The following TNS3 variants were observed in gnomAD, a reference collection of about 807,000 sequenced individuals.
TNS3 encodes tensin 3, also known as tensin-3.
TNS3 carries 45 observed loss-of-function variants against 140.9 expected under a neutral mutation model. That is an observed-to-expected ratio of 0.32 (90% CI 0.25 to 0.41). The LOEUF (loss-of-function observed/expected upper bound fraction) is 0.41. TNS3 is among the 10% of genes least tolerant of loss of function. TNS3 has a pLI of 1.00. For missense variants in TNS3, 1,716 were observed against 1,906.7 expected, an observed-to-expected ratio of 0.90 and a Z score of 1.86; for synonymous variants, 815 against 788.4, an observed-to-expected ratio of 1.03 and a Z score of -0.56.
intron 1 of TNS3, among the ~76,000 whole-genome samples, chr7:47,553,613 A>G (rs1800116959): frequency 6.6e-6 from 1 of 152,224 alleles, no homozygotes; most frequent in Non-Finnish European, 1.5e-5. Flanking sequence ...CTGTGGAGAC[A>G]CTACTGCTCA....
chr7:47,514,471 TTGGGTTAACTGCG>T (rs1484031016), intron 2 of TNS3, among the ~76,000 whole-genome samples: 1 of 152,226 alleles, frequency 6.6e-6, no homozygotes, highest in Admixed American at 6.5e-5. Context: ...CTTAATAATG[TTGGGTTAACTGCG>T]TGGAACAACC....
intron 17 of TNS3, among the ~76,000 whole-genome samples, chr7:47,362,589 G>A (rs1790396242): frequency 6.6e-6 from 1 of 152,196 alleles, no homozygotes; most frequent in African/African-American, 2.4e-5. Flanking sequence ...TTAGGACATA[G>A]CCATGGGGTG....
chr7:47,351,254 C>G (rs994540849), intron 17 of TNS3, among the ~76,000 whole-genome samples: 3 of 152,200 alleles, frequency 2.0e-5, no homozygotes, highest in Non-Finnish European at 4.4e-5. Flanking sequence ...TTTTCCTTCT[C>G]TCTGATAAAT....
chr7:47,582,030 C>A (rs1010294697), intron 1 of TNS3, 21 bp downstream of exon 1: 1 of 152,074 alleles, frequency 6.6e-6, no homozygotes, highest in Middle Eastern at 3.1e-3. Flanking sequence ...GCCGCGTTTC[C>A]TCCTTCCCCG....
intron 1 of TNS3, among the ~76,000 whole-genome samples, chr7:47,578,271 C>A (rs1452053757): frequency 6.6e-6 from 1 of 152,076 alleles, no homozygotes; most frequent in African/African-American, 2.4e-5. Flanking sequence ...GATGGCCCGA[C>A]TGGACTCCAG....
chr7:47,449,306 G>A (rs1342225491), intron 4 of TNS3, among the ~76,000 whole-genome samples: 2 of 152,184 alleles, frequency 1.3e-5, no homozygotes, highest in African/African-American at 4.8e-5. Context: ...CATTGCCATG[G>A]GGTGAAAGGC....
At chr7:47,505,002 C>T (rs985180006) in intron 3 of TNS3, among the ~76,000 whole-genome samples, 1 of 152,158 alleles carries the variant, frequency 6.6e-6, no homozygotes, top group Admixed American at 6.5e-5. Context: ...GAATTCAATC[C>T]CTTAAGCAGC....
At chr7:47,428,282 C>A in intron 9 of TNS3, 30 bp downstream of exon 9, 1 of 1,396,384 alleles carries the variant, frequency 7.2e-7, no homozygotes, top group Non-Finnish European at 9.4e-7. Flanking sequence ...TTTAGCACCT[C>A]AAGACAGCGA....
chr7:47,357,547 G>A (rs975718177), intron 17 of TNS3, among the ~76,000 whole-genome samples: 7 of 152,166 alleles, frequency 4.6e-5, no homozygotes, highest in Admixed American at 3.3e-4. Context: ...TCCACGTGGA[G>A]GGCATAGCCT....
At chr7:47,286,313 G>A (rs533750476) in intron 27 of TNS3, among the ~76,000 whole-genome samples, 2 of 152,278 alleles carry the variant, frequency 1.3e-5, no homozygotes, top group South Asian at 4.1e-4. Flanking sequence ...CTCCCCAAAT[G>A]CAGGAACTAT....
At chr7:47,397,721 C>A (rs1341316294) in intron 15 of TNS3, among the ~76,000 whole-genome samples, 2 of 152,164 alleles carry the variant, frequency 1.3e-5, no homozygotes, top group Non-Finnish European at 1.5e-5. Flanking sequence ...TAAATGCCTA[C>A]ATCAAAAAGT....
intron 27 of TNS3, among the ~76,000 whole-genome samples, chr7:47,290,829 T>G (rs371154132): frequency 3.9e-4 from 59 of 152,306 alleles, no homozygotes; most frequent in African/African-American, 1.3e-3. Context: ...ATGCGCTCCT[T>G]GGTATCTACG....
chr7:47,344,858 A>G lies in TNS3; in HGVS notation c.2567-20T>C, dbSNP rs768833180. On this transcript the variant is annotated intron_variant, in intron 19 of 30. Transcript: ENST00000311160. The stretch of plus-strand genomic sequence containing the variant: ...TTTTCACTGGAAAAGAAAGCAGAGC[A>G]AGGGGCTGTTGTCACCCTCCTTGGG... 7.4e-5 allele frequency: 120 copies of G among 1,613,760 alleles called. No individual in the cohort carries two copies. Among genetic ancestry groups the G allele is most frequent in the Non-Finnish European group, 9.9e-5 (117 of 1,179,830 alleles).
chr7:47,438,479 G>A (rs1795301210), intron 6 of TNS3, among the ~76,000 whole-genome samples: 2 of 152,220 alleles, frequency 1.3e-5, no homozygotes. Flanking sequence ...TGATGAAGGA[G>A]GAAGCCCTGA....
At chr7:47,494,870 T>C (rs776806147) in intron 3 of TNS3, among the ~76,000 whole-genome samples, 8 of 152,078 alleles carry the variant, frequency 5.3e-5, no homozygotes, top group Non-Finnish European at 1.2e-4. Context: ...AAACCCATGG[T>C]GAAACAAGTT....
At chr7:47,475,542 G>A (rs1017311239) in intron 4 of TNS3, among the ~76,000 whole-genome samples, 3 of 152,330 alleles carry the variant, frequency 2.0e-5, no homozygotes, top group African/African-American at 7.2e-5. Flanking sequence ...CCGGGGGGGG[G>A]GCCAGGCCCT....
intron 2 of TNS3, among the ~76,000 whole-genome samples, chr7:47,517,238 G>A (rs183809124): frequency 6.6e-6 from 1 of 152,246 alleles, no homozygotes; most frequent in Non-Finnish European, 1.5e-5. Context: ...TAGAAACCCT[G>A]CTGTGCTGTT....
intron 4 of TNS3, among the ~76,000 whole-genome samples, chr7:47,442,980 C>G (rs1466949750): frequency 6.6e-6 from 1 of 152,172 alleles, no homozygotes; most frequent in Non-Finnish European, 1.5e-5. Context: ...TTTCGGAGAC[C>G]AACAATACAG....
intron 2 of TNS3, among the ~76,000 whole-genome samples, chr7:47,509,378 A>T (rs1017940365): frequency 2.6e-5 from 4 of 152,324 alleles, no homozygotes; most frequent in African/African-American, 9.6e-5. Context: ...AGCAGCATGG[A>T]TAATCCTCAG....
Sources: gnomAD v4.1 joint callset for allele counts (sites outside exome capture counted in the v4.1 genomes callset) on GRCh38, gnomAD v4.1.1 for gene constraint, MANE v1.5 for transcripts, NCBI Gene and HGNC (gene_info 2026-07-23, HGNC 2026-07-21) for gene names.